Variants in ALDH1A2 observed in about 807,000 individuals in gnomAD.
ALDH1A2 encodes aldehyde dehydrogenase 1 family member A2.
Under a neutral mutation model 60.3 loss-of-function variants are expected in ALDH1A2, and 27 were observed. That is an observed-to-expected ratio of 0.45 (90% CI 0.33 to 0.62). ALDH1A2 has a LOEUF of 0.62. ALDH1A2 is among the 20% of genes least tolerant of loss of function. The pLI is 0.02. For synonymous variants in ALDH1A2, 289 were observed against 232.4 expected (o/e 1.24, Z -2.21); for missense variants, 581 against 643.8 (o/e 0.90, Z 1.06).
At chr15:57,992,863 G>C in intron 6 of ALDH1A2, 45 bp from the exon 7 acceptor site, 2 of 1,613,322 alleles carry the variant, frequency 1.2e-6, no homozygotes, top group African/African-American at 1.3e-5. Flanking sequence ...GAAAGCTGAT[G>C]CATCATGTTA....
chr15:58,059,836 T>C (rs1896976498), intron 1 of ALDH1A2, among the ~76,000 whole-genome samples: 1 of 152,118 alleles, frequency 6.6e-6, no homozygotes, highest in South Asian at 2.1e-4. Flanking sequence ...CCCAGAATAT[T>C]GAACTCTTAT....
chr15:58,057,782 T>C (rs1162425336), intron 1 of ALDH1A2, among the ~76,000 whole-genome samples: 1 of 152,146 alleles, frequency 6.6e-6, no homozygotes, highest in Non-Finnish European at 1.5e-5. Flanking sequence ...GCCACACCTA[T>C]ATATCTTTCT....
chr15:58,000,887 G>A (rs1011850017), intron 4 of ALDH1A2, among the ~76,000 whole-genome samples: 6 of 151,784 alleles, frequency 4.0e-5, no homozygotes, highest in South Asian at 2.1e-4. Context: ...GGGAGTCCAC[G>A]TGTATTATGA....
chr15:58,002,704 C>T (rs1482200678), intron 4 of ALDH1A2, among the ~76,000 whole-genome samples: 2 of 151,874 alleles, frequency 1.3e-5, no homozygotes, highest in African/African-American at 4.8e-5. Context: ...ACAATAAAAA[C>T]GATTTTATTC....
At chr15:57,985,784 T>C (rs1428209251) in intron 7 of ALDH1A2, among the ~76,000 whole-genome samples, 2 of 152,196 alleles carry the variant, frequency 1.3e-5, no homozygotes, top group East Asian at 3.8e-4. Flanking sequence ...AATCTTCATA[T>C]ATGACCAGAA....
chr15:57,996,313 C>G (rs1370443581), intron 4 of ALDH1A2, among the ~76,000 whole-genome samples: 1 of 151,840 alleles, frequency 6.6e-6, no homozygotes, highest in Non-Finnish European at 1.5e-5. Flanking sequence ...CTCTCTCTCT[C>G]TCTCTCTTAC....
intron 7 of ALDH1A2, among the ~76,000 whole-genome samples, chr15:57,983,700 A>C (rs1381000459): frequency 6.6e-6 from 1 of 152,196 alleles, no homozygotes; most frequent in African/African-American, 2.4e-5. Context: ...AATGATGCAG[A>C]GAATTCTCTT....
chr15:57,977,245 G>A (rs1418936958), intron 7 of ALDH1A2, among the ~76,000 whole-genome samples: 1 of 152,158 alleles, frequency 6.6e-6, no homozygotes, highest in South Asian at 2.1e-4. Context: ...TGCACAAGCG[G>A]TTTAGTTTAA....
At chr15:58,054,409 T>C (rs1896846582) in intron 1 of ALDH1A2, among the ~76,000 whole-genome samples, 1 of 152,190 alleles carries the variant, frequency 6.6e-6, no homozygotes. Flanking sequence ...ACATTAATTG[T>C]GCACCCCAAA....
chr15:58,022,172 C>T (rs768995159), intron 1 of ALDH1A2, among the ~76,000 whole-genome samples: 1 of 152,138 alleles, frequency 6.6e-6, no homozygotes, highest in East Asian at 1.9e-4. Context: ...GGGGGCTGAA[C>T]AAAAGCCCAT....
In ALDH1A2 at chr15:57,995,137, C is replaced by T. The variant is rs1205096946; in HGVS notation, c.496G>A (p.Gly166Arg). Residue 166 changes from glycine to arginine, a missense_variant and splice_region_variant, in exon 5 of 13, where the codon GGA becomes AGA. Transcript: ENST00000249750. ...TGTCTTGTAAAGGTAAAATAGTCTC[C>T]ATCTGAAAGAAAAAAGCATGGTCAC... is the stretch of plus-strand genomic sequence containing the variant. The part of the protein sequence containing the change: ...KIHGMTIPVD[G>R]DYFTFTRHEP... 6.4e-7 allele frequency: 1 copy of T among 1,552,198 alleles called. No individual in the cohort carries two copies. Among genetic ancestry groups the T allele is most frequent in the Non-Finnish European group, 8.7e-7 (1 of 1,145,420 alleles).
intron 1 of ALDH1A2, among the ~76,000 whole-genome samples, chr15:58,051,319 T>C (rs115432772): frequency 0.014 from 2,073 of 152,174 alleles, 52 homozygotes; most frequent in African/African-American, 0.047. Context: ...ACATCTAACA[T>C]TTTGAGAAAT....
At chr15:57,996,106 A>G (rs1428329407) in intron 4 of ALDH1A2, among the ~76,000 whole-genome samples, 1 of 152,054 alleles carries the variant, frequency 6.6e-6, no homozygotes, top group Non-Finnish European at 1.5e-5. Context: ...GCTAATATTC[A>G]TGAAAGCATA....
intron 1 of ALDH1A2, among the ~76,000 whole-genome samples, chr15:58,027,611 G>A (rs1308911510): frequency 2.6e-5 from 4 of 152,070 alleles, no homozygotes; most frequent in Non-Finnish European, 5.9e-5. Context: ...TGAGCTAAAG[G>A]AGCATGTTCT....
intron 1 of ALDH1A2, among the ~76,000 whole-genome samples, chr15:58,063,963 G>C (rs1429881891): frequency 8.0e-6 from 1 of 125,290 alleles, no homozygotes; most frequent in Non-Finnish European, 1.9e-5. Flanking sequence ...AAGAGAACTG[G>C]AAGAGCTTCC....
At chr15:57,976,534 G>A (rs1162220369) in intron 7 of ALDH1A2, among the ~76,000 whole-genome samples, 1 of 152,130 alleles carries the variant, frequency 6.6e-6, no homozygotes, top group Non-Finnish European at 1.5e-5. Context: ...TTCTGTTTGT[G>A]TTAGTTTGCT....
chr15:57,975,069 G>A (rs1894202086), intron 7 of ALDH1A2, among the ~76,000 whole-genome samples: 1 of 152,234 alleles, frequency 6.6e-6, no homozygotes, highest in Non-Finnish European at 1.5e-5. Flanking sequence ...CACATCAAAT[G>A]TTGGTGGGGA....
intron 8 of ALDH1A2, 35 bp downstream of exon 8, chr15:57,965,690 T>C: frequency 2.8e-6 from 4 of 1,429,116 alleles, no homozygotes; most frequent in Non-Finnish European, 3.0e-6. Context: ...AAAGGGTGTG[T>C]GGTGGTTCAT....
intron 7 of ALDH1A2, among the ~76,000 whole-genome samples, chr15:57,981,875 T>C (rs1376184846): frequency 1.3e-5 from 2 of 152,212 alleles, no homozygotes; most frequent in East Asian, 1.9e-4. Context: ...CCAGACTGGA[T>C]ACCTAATAGA....
Sources: gnomAD v4.1 joint callset for allele counts (sites outside exome capture counted in the v4.1 genomes callset) on GRCh38, gnomAD v4.1.1 for gene constraint, MANE v1.5 for transcripts, NCBI Gene and HGNC (gene_info 2026-07-23, HGNC 2026-07-21) for gene names.